Variants in CAST observed in about 807,000 individuals in gnomAD.
CAST encodes MIR583 host.
CAST carries 76 observed loss-of-function variants against 119.6 expected under a neutral mutation model. That is an observed-to-expected ratio of 0.64 (90% CI 0.53 to 0.77). The LOEUF is 0.77. Ranked by LOEUF, CAST falls within the 30% of genes least tolerant of loss-of-function variation. The pLI, the probability that CAST is intolerant of heterozygous loss-of-function variation, is 0.00. For missense variants in CAST, 953 were observed against 946.5 expected, an observed-to-expected ratio of 1.01 and a Z score of -0.09; for synonymous variants, 319 against 331.6, an observed-to-expected ratio of 0.96 and a Z score of 0.41.
the CAST span, among the ~76,000 whole-genome samples, chr5:96,230,697 A>G: frequency 7.3e-4 from 111 of 152,290 alleles, no homozygotes; most frequent in African/African-American, 2.6e-3. Flanking sequence ...ACCATCAGGA[A>G]GGTGAAAAGA....
the CAST span, among the ~76,000 whole-genome samples, chr5:96,077,337 G>A: frequency 6.6e-6 from 1 of 151,986 alleles, no homozygotes; most frequent in African/African-American, 2.4e-5. Context: ...AGTGTATATA[G>A]CATGACTGTA....
the CAST span, among the ~76,000 whole-genome samples, chr5:96,031,246 A>G: frequency 1.3e-5 from 2 of 151,912 alleles, no homozygotes; most frequent in Non-Finnish European, 2.9e-5. Context: ...AAAAAAAAAA[A>G]AAAAGGAAAA....
intron 19 of CAST, among the ~76,000 whole-genome samples, chr5:96,749,098 A>G (rs1176319730): frequency 6.6e-6 from 1 of 152,222 alleles, no homozygotes; most frequent in Admixed American, 6.5e-5. Flanking sequence ...GTCAGTAAAC[A>G]GAACAATAAG....
the CAST span, among the ~76,000 whole-genome samples, chr5:96,508,610 T>C: frequency 6.6e-6 from 1 of 152,048 alleles, no homozygotes; most frequent in Non-Finnish European, 1.5e-5. Flanking sequence ...TAAAGAAAAA[T>C]TCTCTTAAAG....
chr5:96,687,504 GAACT>G lies in CAST; in HGVS notation c.139-8328_139-8325del, dbSNP rs578032203. Among the ~76,000 whole-genome samples the G allele has an allele frequency of 2.4e-4, 36 of 152,288 alleles. No homozygotes were observed. In the South Asian group the frequency reaches 7.5e-3, roughly 32 times the overall value. ...AAATAAGAAAGATGTTGTTTGGAAA[GAACT>G]AACAAGTGAATTCTAAAAATTTGTT... On this transcript the variant is annotated intron_variant, in intron 2 of 31. Coordinates refer to ENST00000675179, the MANE Select transcript of CAST (RefSeq NM_001750.7).
chr5:96,115,741 T>A, the CAST span, among the ~76,000 whole-genome samples: 16 of 152,182 alleles, frequency 1.1e-4, no homozygotes, highest in Non-Finnish European at 2.4e-4. Flanking sequence ...AGTTTTCTGG[T>A]GTGTCTTATT....
At chr5:96,590,990 G>T (rs1253258438) in intron 1 of CAST, among the ~76,000 whole-genome samples, 1 of 152,114 alleles carries the variant, frequency 6.6e-6, no homozygotes, top group African/African-American at 2.4e-5. Flanking sequence ...CATGAATATT[G>T]CACAATCCCT....
intron 1 of CAST, among the ~76,000 whole-genome samples, chr5:96,608,281 A>G (rs1747297462): frequency 6.6e-6 from 1 of 152,230 alleles, no homozygotes; most frequent in Non-Finnish European, 1.5e-5. Flanking sequence ...AGAATGTCCT[A>G]GGTTTAATCC....
At chr5:96,423,853 G>A in the CAST span, among the ~76,000 whole-genome samples, 1 of 152,064 alleles carries the variant, frequency 6.6e-6, no homozygotes, top group Non-Finnish European at 1.5e-5. Context: ...TTGCCACATT[G>A]AGCTCTCATT....
At chr5:96,604,960 G>C (rs1747225212) in intron 1 of CAST, among the ~76,000 whole-genome samples, 1 of 152,130 alleles carries the variant, frequency 6.6e-6, no homozygotes, top group Non-Finnish European at 1.5e-5. Flanking sequence ...GATTTATGTT[G>C]GTGTCTGTAG....
At chr5:96,340,690 C>T in the CAST span, among the ~76,000 whole-genome samples, 1 of 152,242 alleles carries the variant, frequency 6.6e-6, no homozygotes, top group South Asian at 2.1e-4. Context: ...CCTCTTCACA[C>T]TGAAGCATCA....
the CAST span, among the ~76,000 whole-genome samples, chr5:96,113,449 A>G: frequency 6.6e-6 from 1 of 152,262 alleles, no homozygotes; most frequent in Non-Finnish European, 1.5e-5. Context: ...GTAGACACAC[A>G]TTAGGAAATG....
chr5:95,962,348 G>C, the CAST span, among the ~76,000 whole-genome samples: 4 of 143,198 alleles, frequency 2.8e-5, no homozygotes, highest in Non-Finnish European at 6.0e-5. Flanking sequence ...GGAAGCTGTG[G>C]AACTTGGTGC....
At chr5:96,380,918 G>A in the CAST span, among the ~76,000 whole-genome samples, 1 of 152,100 alleles carries the variant, frequency 6.6e-6, no homozygotes, top group Non-Finnish European at 1.5e-5. Context: ...TTTTAATTTA[G>A]GAGAGCCGAA....
At chr5:96,645,626 A>T (rs1748005590) in intron 1 of CAST, among the ~76,000 whole-genome samples, 1 of 152,092 alleles carries the variant, frequency 6.6e-6, no homozygotes, top group Non-Finnish European at 1.5e-5. Context: ...AAATTATAAG[A>T]TAATATGACT....
chr5:96,194,109 C>T, the CAST span, among the ~76,000 whole-genome samples: 1 of 152,134 alleles, frequency 6.6e-6, no homozygotes, highest in African/African-American at 2.4e-5. Context: ...GCATGCTAAA[C>T]ATTTACAGAT....
chr5:96,334,240 A>G, the CAST span, among the ~76,000 whole-genome samples: 2 of 152,184 alleles, frequency 1.3e-5, no homozygotes, highest in Non-Finnish European at 2.9e-5. Context: ...AGAGGCAGTC[A>G]GGCATCCTTG....
At chr5:96,698,837 A>G (rs1456005671) in intron 3 of CAST, among the ~76,000 whole-genome samples, 3 of 152,244 alleles carry the variant, frequency 2.0e-5, no homozygotes, top group Non-Finnish European at 4.4e-5. Context: ...GAAATTCAAA[A>G]TAAGTGATAA....
At chr5:96,049,889 C>CAAAAAAAAAAAAAAAAAAAAAAAAAA in the CAST span, among the ~76,000 whole-genome samples, 9 of 34,186 alleles carry the variant, frequency 2.6e-4, no homozygotes, top group South Asian at 2.2e-3. Flanking sequence ...GAACAGGAGG[C>CAAAAAAAAAAAAAAAAAAAAAAAAAA]AAAAAAAAAA....
Sources: gnomAD v4.1 joint callset for allele counts (sites outside exome capture counted in the v4.1 genomes callset) on GRCh38, gnomAD v4.1.1 for gene constraint, MANE v1.5 for transcripts, NCBI Gene and HGNC (gene_info 2026-07-23, HGNC 2026-07-21) for gene names.